The following AKAP13 variants were observed in gnomAD, a reference collection of about 807,000 sequenced individuals.
The protein encoded by AKAP13 is A-kinase anchoring protein 13.
AKAP13 carries 80 observed loss-of-function variants against 264.5 expected under a neutral mutation model. The observed-to-expected ratio is 0.30, with a 90% CI of 0.25 to 0.36. The LOEUF is 0.36. Among genes scored for constraint, AKAP13 ranks in the 10% least tolerant of loss-of-function variants. The pLI is 1.00. For missense variants in AKAP13, 3,712 were observed against 3,435.2 expected, an observed-to-expected ratio of 1.08 and a Z score of -2.01; for synonymous variants, 1,380 against 1,250.2, an observed-to-expected ratio of 1.10 and a Z score of -2.19.
At chr15:85,434,651 G>A (rs1374820263) in intron 1 of AKAP13, among the ~76,000 whole-genome samples, 1 of 152,066 alleles carries the variant, frequency 6.6e-6, no homozygotes, top group East Asian at 1.9e-4. Flanking sequence ...CTCCTCAAGT[G>A]GGTCCCTGAC....
intron 8 of AKAP13, chr15:85,635,089 G>A: frequency 2.5e-6 from 1 of 398,178 alleles, no homozygotes; most frequent in Non-Finnish European, 4.4e-6. Flanking sequence ...GTAAATGAAT[G>A]GAATGCTATG....
intron 1 of AKAP13, among the ~76,000 whole-genome samples, chr15:85,460,224 A>G (rs1050144106): frequency 2.6e-5 from 4 of 152,090 alleles, no homozygotes; most frequent in African/African-American, 9.7e-5. Context: ...TATCACACAC[A>G]CACTCACCAA....
intron 16 of AKAP13, among the ~76,000 whole-genome samples, chr15:85,691,243 A>G (rs749159863): frequency 6.6e-6 from 1 of 152,220 alleles, no homozygotes; most frequent in Non-Finnish European, 1.5e-5. Context: ...TGTGAATGGT[A>G]GGTCTTTGTA....
At chr15:85,709,433 G>T (rs2086500744) in intron 18 of AKAP13, among the ~76,000 whole-genome samples, 2 of 152,140 alleles carry the variant, frequency 1.3e-5, no homozygotes, top group African/African-American at 4.8e-5. Context: ...GAGCTGAGTG[G>T]TGCTGCCTCC....
At chr15:85,691,968 C>G in intron 16 of AKAP13, 1 of 448,824 alleles carries the variant, frequency 2.2e-6, no homozygotes, top group Non-Finnish European at 4.5e-6. Context: ...GAGTGAGCTA[C>G]TAAGCCTTGG....
chr15:85,462,026 A>G (rs1206440057), intron 1 of AKAP13, among the ~76,000 whole-genome samples: 1 of 152,238 alleles, frequency 6.6e-6, no homozygotes, highest in Non-Finnish European at 1.5e-5. Context: ...TTTGCCAACT[A>G]TAAACCTGGA....
intron 1 of AKAP13, among the ~76,000 whole-genome samples, chr15:85,403,347 T>A (rs564220562): frequency 6.6e-6 from 1 of 152,290 alleles, no homozygotes; most frequent in Admixed American, 6.5e-5. Context: ...AAATTGGGCA[T>A]TTTTTTCTTC....
At chr15:85,418,948 C>G (rs1423164064) in intron 1 of AKAP13, among the ~76,000 whole-genome samples, 1 of 152,174 alleles carries the variant, frequency 6.6e-6, no homozygotes, top group Non-Finnish European at 1.5e-5. Context: ...ATAGTACCTG[C>G]TGTGTGCTGG....
At chr15:85,424,788 T>C (rs1279538544) in intron 1 of AKAP13, among the ~76,000 whole-genome samples, 4 of 152,214 alleles carry the variant, frequency 2.6e-5, no homozygotes, top group Non-Finnish European at 5.9e-5. Flanking sequence ...GAGAGATGTG[T>C]GATTCTTCCT....
chr15:85,728,512 G>A (rs565102398), intron 29 of AKAP13, among the ~76,000 whole-genome samples: 15 of 152,312 alleles, frequency 9.8e-5, no homozygotes, highest in African/African-American at 1.9e-4. Flanking sequence ...CTTAAAAAGA[G>A]CCCTTGCCCT....
chr15:85,469,980 A>G (rs973017235), intron 1 of AKAP13, among the ~76,000 whole-genome samples: 2 of 152,174 alleles, frequency 1.3e-5, no homozygotes, highest in African/African-American at 2.4e-5. Flanking sequence ...AGTAACATAT[A>G]GGGCAGTACT....
intron 1 of AKAP13, among the ~76,000 whole-genome samples, chr15:85,429,790 C>CTT (rs1338455772): frequency 6.6e-6 from 1 of 152,202 alleles, no homozygotes; most frequent in Non-Finnish European, 1.5e-5. Flanking sequence ...GCGCAGGAAT[C>CTT]TGTGATGCTG....
At chr15:85,731,534 G>T (rs1054734443) in intron 30 of AKAP13, among the ~76,000 whole-genome samples, 2 of 151,988 alleles carry the variant, frequency 1.3e-5, no homozygotes, top group African/African-American at 4.8e-5. Flanking sequence ...GTTTCCTTCA[G>T]ATTTGCAGCT....
intron 5 of AKAP13, among the ~76,000 whole-genome samples, chr15:85,567,277 T>G (rs891214063): frequency 2.0e-5 from 3 of 151,918 alleles, no homozygotes; most frequent in Non-Finnish European, 4.4e-5. Context: ...CCAGCTAATT[T>G]TTGTATTTTT....
intron 19 of AKAP13, among the ~76,000 whole-genome samples, chr15:85,715,290 G>C: frequency 6.6e-6 from 1 of 152,118 alleles, no homozygotes; most frequent in East Asian, 1.9e-4. Flanking sequence ...ATTGTATTCT[G>C]CTGTGTGGTG....
chr15:85,739,457 A>G (rs2088797731), intron 33 of AKAP13, among the ~76,000 whole-genome samples: 1 of 152,096 alleles, frequency 6.6e-6, no homozygotes. Flanking sequence ...CTATTTTTCT[A>G]CTAGGGTATT....
intron 8 of AKAP13, among the ~76,000 whole-genome samples, chr15:85,597,182 T>C (rs1212894865): frequency 6.6e-6 from 1 of 152,218 alleles, no homozygotes; most frequent in Admixed American, 6.5e-5. Flanking sequence ...ATTGTTCTCA[T>C]TATAGAATAT....
At chr15:85,593,316 CAAAAACAA>C (rs371516262) in intron 8 of AKAP13, among the ~76,000 whole-genome samples, 74 of 151,592 alleles carry the variant, frequency 4.9e-4, no homozygotes, top group Middle Eastern at 6.8e-3. Context: ...TATCTCAAAA[CAAAAACAA>C]AAAAACAAAA....
chr15:85,456,739 A>T (rs2074294854), intron 1 of AKAP13, among the ~76,000 whole-genome samples: 1 of 152,002 alleles, frequency 6.6e-6, no homozygotes, highest in Admixed American at 6.6e-5. Flanking sequence ...TTTAGTAGAG[A>T]TGGGGTTTCA....
Sources: gnomAD v4.1 joint callset for allele counts (sites outside exome capture counted in the v4.1 genomes callset) on GRCh38, gnomAD v4.1.1 for gene constraint, MANE v1.5 for transcripts, NCBI Gene and HGNC (gene_info 2026-07-23, HGNC 2026-07-21) for gene names.